ZNF564: variants seen among roughly 807,000 people sequenced by gnomAD.
ZNF564 encodes zinc finger protein 564.
A neutral mutation model predicts 10.5 loss-of-function variants in ZNF564; 5 were observed. The observed-to-expected ratio is 0.48, with a 90% CI of 0.25 to 1.00. The LOEUF (loss-of-function observed/expected upper bound fraction) is 1.00, where lower values mean the gene tolerates loss of function less well. ZNF564 is among the 50% of genes least tolerant of loss of function. The pLI, the probability that ZNF564 is intolerant of heterozygous loss-of-function variation, is 0.16. For synonymous variants in ZNF564, 242 were observed against 218.1 expected (o/e 1.11, Z -0.97); for missense variants, 603 against 669.7 (o/e 0.90, Z 1.10).
intron 1 of ZNF564, among the ~76,000 whole-genome samples, chr19:12,546,571 CA>C (rs903533658): frequency 1.3e-5 from 2 of 148,420 alleles, no homozygotes; most frequent in African/African-American, 2.5e-5. Flanking sequence ...ACTAAAAATA[CA>C]AAAAAAAAAT....
intron 1 of ZNF564, among the ~76,000 whole-genome samples, chr19:12,545,113 T>C (rs1025831489): frequency 2.0e-5 from 3 of 151,738 alleles, no homozygotes; most frequent in Admixed American, 2.0e-4. Context: ...ATACAAAAAA[T>C]TAGCTGGGCG....
intron 1 of ZNF564, among the ~76,000 whole-genome samples, chr19:12,537,685 C>T (rs1261950163): frequency 6.7e-6 from 1 of 150,336 alleles, no homozygotes; most frequent in Non-Finnish European, 1.5e-5. Flanking sequence ...TTGCGGTGAG[C>T]CGAGATTTCG....
At chr19:12,548,494 C>T (rs1429003985) in intron 1 of ZNF564, among the ~76,000 whole-genome samples, 3 of 152,266 alleles carry the variant, frequency 2.0e-5, no homozygotes, top group East Asian at 3.9e-4. Context: ...GGATTAAAGG[C>T]GTGAGCCACC....
At chr19:12,550,135 A>C (rs1202712217) in intron 1 of ZNF564, 1 of 151,594 alleles carries the variant, frequency 6.6e-6, no homozygotes, top group South Asian at 2.0e-4. Flanking sequence ...TCTACTAAAA[A>C]TACAAAATTA....
chr19:12,530,979 C>T (rs1353491242), intron 1 of ZNF564, among the ~76,000 whole-genome samples: 1 of 152,046 alleles, frequency 6.6e-6, no homozygotes, highest in Admixed American at 6.6e-5. Flanking sequence ...GTTGCTCAAG[C>T]TGATCTCAAA....
intron 1 of ZNF564, among the ~76,000 whole-genome samples, chr19:12,535,921 G>A (rs892213377): frequency 7.3e-5 from 11 of 151,664 alleles, no homozygotes; most frequent in Non-Finnish European, 1.2e-4. Flanking sequence ...GCTGAGGCAG[G>A]AGAATTGCTT....
intron 1 of ZNF564, among the ~76,000 whole-genome samples, chr19:12,544,072 ATGTGTGC>A (rs1016518948): frequency 5.3e-5 from 8 of 152,138 alleles, no homozygotes; most frequent in African/African-American, 1.9e-4. Flanking sequence ...TGAAAACTAC[ATGTGTGC>A]TGTTCAAGCC....
Position 12,541,763 on chromosome 19 carries a change from C to A in ZNF564, c.3+9567G>T, listed in dbSNP as rs186591347. Among the ~76,000 whole-genome samples, 1,137 of 152,108 alleles carry A rather than the reference C, an allele frequency of 7.5e-3. 6 individuals carry two copies. The highest frequency in any genetic ancestry group is 0.012 in the Non-Finnish European group (803 of 67,998). ...AGGCATGGTGGCTCACGCCTGTAAT[C>A]CCAGCACTTTGGGAGGCCGAGGCAG... On this transcript the variant is annotated intron_variant, in intron 1 of 3. Coordinates refer to ENST00000339282, the MANE Select transcript of ZNF564 (RefSeq NM_144976.4).
At chr19:12,540,669 A>G (rs1167141567) in intron 1 of ZNF564, among the ~76,000 whole-genome samples, 1 of 152,170 alleles carries the variant, frequency 6.6e-6, no homozygotes, top group Non-Finnish European at 1.5e-5. Flanking sequence ...CCTGGCTAAC[A>G]TGATGAAACC....
Position 12,527,081 on chromosome 19 carries a change from C to A in ZNF564, c.1027G>T (p.Gly343Cys). Residue 343 changes from glycine to cysteine, a missense_variant, in exon 4 of 4, where the codon GGT becomes TGT. By Grantham distance (159) the Gly-to-Cys change is radical. Transcript: ENST00000339282. ...TTACTGGAAGAACTGAAGGTTTTAC[C>A]ACATTTATTACATTCATAGGGTTTC... is the stretch of plus-strand genomic sequence containing the variant. The part of the protein sequence containing the change: ...GEKPYECNKC[G>C]KTFSSSSNVR... 6.2e-7 allele frequency: 1 copy of A among 1,614,096 alleles called. No homozygotes were observed. The highest frequency in any genetic ancestry group is 8.5e-7 in the Non-Finnish European group (1 of 1,180,016).
intron 1 of ZNF564, among the ~76,000 whole-genome samples, chr19:12,545,276 A>G (rs1315546486): frequency 6.6e-6 from 1 of 151,540 alleles, no homozygotes; most frequent in African/African-American, 2.4e-5. Flanking sequence ...AAAAAAAAAA[A>G]AAAAAAGAAA....
Position 12,527,593 on chromosome 19 carries a change from G to T in ZNF564, c.515C>A (p.Pro172Gln), listed in dbSNP as rs377546676. Residue 172 changes from proline (P) to glutamine (Q), a missense_variant, in exon 4 of 4, where the codon CCG (proline) becomes CAG (glutamine). Pro to Gln is a moderately conservative substitution (Grantham distance 76). Transcript: ENST00000339282. ...THTGEKPYAC[P>Q]ECGKAFISLP... is the part of the protein sequence containing the mutation. ...AGAAATGAAGGCTTTCCCACATTCCGGACATGCATAGGGTTTCTCACCAGT... is the reference window on the plus strand; with the variant it reads ...AGAAATGAAGGCTTTCCCACATTCCTGACATGCATAGGGTTTCTCACCAGT... 1.2e-6 allele frequency: 2 copies of T among 1,613,436 alleles called. No individual in the cohort carries two copies. Among genetic ancestry groups the T allele is most frequent in the Non-Finnish European group, 1.7e-6 (2 of 1,179,854 alleles).
chr19:12,531,491 T>C lies in ZNF564; in HGVS notation c.4-2795A>G, dbSNP rs141791144. Among the ~76,000 whole-genome samples, 767 of 151,840 alleles carry C rather than the reference T, an allele frequency of 5.1e-3. 6 individuals carry two copies. The highest frequency in any genetic ancestry group is 0.018 in the African/African-American group (745 of 41,378). On this transcript the variant is annotated intron_variant, in intron 1 of 3. Coordinates refer to ENST00000339282, the MANE Select transcript of ZNF564 (RefSeq NM_144976.4). ...CCGAGGCAGGAGAATCACTTGAACC[T>C]GGGAGGTGGAAAGTGCAGTGAGCCG... is the stretch of plus-strand genomic sequence containing the variant.
chr19:12,531,705 T>C (rs1449181061), intron 1 of ZNF564, among the ~76,000 whole-genome samples: 4 of 152,026 alleles, frequency 2.6e-5, no homozygotes, highest in Non-Finnish European at 4.4e-5. Flanking sequence ...ACAAAATATG[T>C]CACACCTCAG....
intron 1 of ZNF564, among the ~76,000 whole-genome samples, chr19:12,549,957 C>T (rs1312311070): frequency 6.6e-6 from 1 of 152,152 alleles, no homozygotes; most frequent in Admixed American, 6.6e-5. Context: ...TCTGATTAGG[C>T]GTCGGGGCTT....
In ZNF564 at chr19:12,527,555, G is replaced by C; in HGVS notation, c.553C>G (p.Arg185Gly). ...GKAFISLPSVRRHMIKHTGDG... is the reference protein window; with the variant it reads ...GKAFISLPSVGRHMIKHTGDG... ...CCAGTGTGCTTAATCATGTGTCTTC[G>C]AACACTTGGGAGAGAAATGAAGGCT... Residue 185 changes from arginine to glycine, a missense_variant, in exon 4 of 4, where the codon CGA becomes GGA. Coordinates refer to ENST00000339282, the MANE Select transcript of ZNF564 (RefSeq NM_144976.4). 1.9e-6 allele frequency: 3 copies of C among 1,614,002 alleles called. No homozygotes were observed. Among genetic ancestry groups the C allele is most frequent in the Non-Finnish European group, 2.5e-6 (3 of 1,179,994 alleles).
Position 12,527,906 on chromosome 19 carries a change from C to T in ZNF564, c.202G>A (p.Glu68Lys). 3 of 1,581,888 alleles carry T rather than the reference C, an allele frequency of 1.9e-6. No individual in the cohort carries two copies. The highest frequency in any genetic ancestry group is 8.6e-7 in the Non-Finnish European group (1 of 1,166,080). The part of the protein sequence containing the change: ...NQGRILRNHM[E>K]EGLSESKEYD... ...TCTTTACTTTCACTGAGTCCCTCTT[C>T]CATATGATTTCTGGAAAAAATAGAA... The change falls in exon 4 of 4, where the codon GAA (glutamate) becomes AAA (lysine). Residue 68 changes from glutamate (E) to lysine (K), a missense_variant. Physicochemically the swap from Glu to Lys is moderately conservative, Grantham distance 56. Transcript: ENST00000339282.
chr19:12,550,990 A>G (rs1317506820), intron 1 of ZNF564, among the ~76,000 whole-genome samples: 3 of 152,248 alleles, frequency 2.0e-5, no homozygotes, highest in Non-Finnish European at 4.4e-5. Flanking sequence ...CTTCCCATGC[A>G]CGAACCGCAC....
At chr19:12,531,633 C>CAAT (rs1334379362) in intron 1 of ZNF564, among the ~76,000 whole-genome samples, 3 of 151,766 alleles carry the variant, frequency 2.0e-5, no homozygotes, top group Non-Finnish European at 4.4e-5. Context: ...ATCTTTCTTA[C>CAAT]AATACCACAG....
Sources: gnomAD v4.1 joint callset for allele counts (sites outside exome capture counted in the v4.1 genomes callset) on GRCh38, gnomAD v4.1.1 for gene constraint, MANE v1.5 for transcripts, NCBI Gene and HGNC (gene_info 2026-07-23, HGNC 2026-07-21) for gene names.